ISM1: variants seen among roughly 807,000 people sequenced by gnomAD.
ISM1 encodes the protein isthmin 1.
ISM1 carries 25 observed loss-of-function variants against 46.3 expected under a neutral mutation model. The ratio of observed to expected loss-of-function variants is 0.54; its 90% CI spans 0.39 to 0.75. The LOEUF (loss-of-function observed/expected upper bound fraction) is 0.75, where lower values mean the gene tolerates loss of function less well. ISM1 is among the 30% of genes least tolerant of loss of function. The pLI is 0.00. For missense variants in ISM1, 536 were observed against 625.4 expected, an observed-to-expected ratio of 0.86 and a Z score of 1.52; for synonymous variants, 255 against 256.7, an observed-to-expected ratio of 0.99 and a Z score of 0.06.
chr20:13,224,396 C>G (rs2039489780), intron 1 of ISM1, among the ~76,000 whole-genome samples: 1 of 152,056 alleles, frequency 6.6e-6, no homozygotes, highest in African/African-American at 2.4e-5. Context: ...GTTTTCAGGC[C>G]CCAGAAAGTG....
chr20:13,295,869 C>A (rs1286652459), intron 5 of ISM1, among the ~76,000 whole-genome samples: 2 of 152,186 alleles, frequency 1.3e-5, no homozygotes, highest in African/African-American at 2.4e-5. Flanking sequence ...AAAGGTGCAA[C>A]CTGGAGGCTG....
At position 13,299,770 on chromosome 20, in the gene ISM1, C is replaced by A; in HGVS notation, c.*311C>A. The A allele has an allele frequency of 3.7e-6, 1 of 269,436 alleles. No individual in the cohort carries two copies. Among genetic ancestry groups the A allele is most frequent in the Non-Finnish European group, 7.1e-6 (1 of 140,938 alleles). 16.7% of individuals were successfully genotyped at this position (269,436 alleles called of 1,614,324 possible). ...CAGTGGGTGCGACTCAATTCACACC[C>A]GGATCCAGAGTTTCAAAGAGAGGCA... On this transcript the variant is annotated 3_prime_UTR_variant, in exon 6 of 6. Transcript: ENST00000262487. This position sits in a 1 kb window ranked among gnomAD's most constrained non-coding sequence, Gnocchi z 5.8.
At chr20:13,225,036 G>A (rs1259405957) in intron 1 of ISM1, among the ~76,000 whole-genome samples, 2 of 145,882 alleles carry the variant, frequency 1.4e-5, no homozygotes, top group Admixed American at 6.8e-5. Context: ...TGTATTTTTA[G>A]TAGAGACGGG....
At chr20:13,286,060 T>C (rs1009467337) in intron 3 of ISM1, among the ~76,000 whole-genome samples, 3 of 152,166 alleles carry the variant, frequency 2.0e-5, no homozygotes, top group African/African-American at 7.2e-5. Context: ...TTTAATAAGA[T>C]TTCTTCTGAC....
chr20:13,242,796 G>A (rs575089145), intron 1 of ISM1, among the ~76,000 whole-genome samples: 4 of 152,212 alleles, frequency 2.6e-5, no homozygotes, highest in South Asian at 2.1e-4. Context: ...TTAAGACATC[G>A]GGTTCCTTAC....
At chr20:13,302,202 C>T (rs191413200), downstream of ISM1, among the ~76,000 whole-genome samples, 127 of 152,238 alleles carry the variant, frequency 8.3e-4, no homozygotes, top group Admixed American at 1.2e-3. Context: ...GCCATGCTGT[C>T]CATGAGCTAT....
At chr20:13,271,682 C>T (rs1230442509) in intron 2 of ISM1, among the ~76,000 whole-genome samples, 2 of 152,230 alleles carry the variant, frequency 1.3e-5, no homozygotes, top group East Asian at 3.9e-4. Context: ...TTGTACCTTT[C>T]TCTGTTTCCT....
At chr20:13,264,735 G>C (rs2040024678) in intron 1 of ISM1, among the ~76,000 whole-genome samples, 1 of 152,210 alleles carries the variant, frequency 6.6e-6, no homozygotes, top group Non-Finnish European at 1.5e-5. Flanking sequence ...TGTTGGACCA[G>C]GATGTACTCA....
At chr20:13,249,137 T>A (rs1718123832) in intron 1 of ISM1, among the ~76,000 whole-genome samples, 1 of 152,110 alleles carries the variant, frequency 6.6e-6, no homozygotes, top group African/African-American at 2.4e-5. Flanking sequence ...TTTGAAAAGA[T>A]AAATAAAATA....
chr20:13,283,937 A>C (rs1023846975), intron 3 of ISM1, among the ~76,000 whole-genome samples: 2 of 152,222 alleles, frequency 1.3e-5, no homozygotes, highest in African/African-American at 4.8e-5. Context: ...CGTGGGCCAG[A>C]ATCAAAACTG....
chr20:13,282,478 A>T (rs1244693984), intron 3 of ISM1, among the ~76,000 whole-genome samples: 1 of 152,194 alleles, frequency 6.6e-6, no homozygotes, highest in Non-Finnish European at 1.5e-5. Flanking sequence ...AGCATTAAGA[A>T]CACCCCCTCT....
chr20:13,247,026 A>C (rs2039802390), intron 1 of ISM1, among the ~76,000 whole-genome samples: 1 of 152,084 alleles, frequency 6.6e-6, no homozygotes, highest in Non-Finnish European at 1.5e-5. Context: ...ACCTGAGATC[A>C]GGAGTTAGAG....
intron 3 of ISM1, among the ~76,000 whole-genome samples, chr20:13,284,136 T>C (rs115020533): frequency 6.6e-6 from 1 of 152,348 alleles, no homozygotes; most frequent in African/African-American, 2.4e-5. Context: ...GTTAAATCAG[T>C]AGATCGACAG....
At chr20:13,284,909 T>C (rs1264334126) in intron 3 of ISM1, among the ~76,000 whole-genome samples, 1 of 152,224 alleles carries the variant, frequency 6.6e-6, no homozygotes, top group African/African-American at 2.4e-5. Flanking sequence ...CCTTGATGGC[T>C]TCAGAGTCTG....
intron 1 of ISM1, among the ~76,000 whole-genome samples, chr20:13,263,607 G>A (rs2040012345): frequency 6.6e-6 from 1 of 152,158 alleles, no homozygotes; most frequent in Non-Finnish European, 1.5e-5. Context: ...ATTTTTAGAT[G>A]TGTGGAACTG....
the ISM1 span, among the ~76,000 whole-genome samples, chr20:13,311,464 G>T: frequency 6.6e-6 from 1 of 152,226 alleles, no homozygotes; most frequent in African/African-American, 2.4e-5. Flanking sequence ...AAATCAGTAT[G>T]TGAAAGAGAT....
intron 2 of ISM1, 75 bp from the exon 3 acceptor site, chr20:13,279,559 G>C: frequency 6.9e-7 from 1 of 1,443,216 alleles, no homozygotes; most frequent in African/African-American, 1.4e-5. Context: ...TGCCCTCTCA[G>C]ACTTTCTTCC....
Position 13,288,644 on chromosome 20 carries a change from G to A in ISM1, c.748G>A (p.Ala250Thr), listed in dbSNP as rs373498255. ...CCGGTCTTGTGGCTACGCGTGCACT[G>A]CAACAGAATCGAGGACCTGTGACCG... Reference protein sequence around the residue: ...RTRSCGYACTATESRTCDRPN... With the variant: ...RTRSCGYACTTTESRTCDRPN... The change falls in exon 4 of 6, where the codon GCA becomes ACA. Residue 250 changes from alanine (A) to threonine (T), a missense_variant. Transcript: ENST00000262487. The A allele has an allele frequency of 3.7e-6, 6 of 1,614,018 alleles. No individual in the cohort carries two copies. The highest frequency in any genetic ancestry group is 5.1e-6 in the Non-Finnish European group (6 of 1,179,870).
chr20:13,270,604 C>A lies in ISM1; in HGVS notation c.239C>A (p.Pro80His). ...EHLDHQAAHQ[P>H]FPRPRFRQET... ...CTGGACCACCAGGCTGCACACCAAC[C>A]CTTCCCCAGACCGCGATTCCGACAA... The change falls in exon 2 of 6, where the codon CCC becomes CAC. Residue 80 changes from proline to histidine, a missense_variant. Pro to His is a moderately conservative substitution (Grantham distance 77, BLOSUM62 -2). Coordinates refer to ENST00000262487, the MANE Select transcript of ISM1 (RefSeq NM_080826.2). 1 of 1,614,002 alleles carries A rather than the reference C, an allele frequency of 6.2e-7. No individual in the cohort carries two copies. The highest frequency in any genetic ancestry group is 2.2e-5 in the East Asian group (1 of 44,888).
Sources: gnomAD v4.1 joint callset for allele counts (sites outside exome capture counted in the v4.1 genomes callset) on GRCh38, gnomAD v4.1.1 for gene constraint, Gnocchi (gnomAD v3.1) non-coding constraint, MANE v1.5 for transcripts, NCBI Gene and HGNC (gene_info 2026-07-23, HGNC 2026-07-21) for gene names.